Variants in EARS2 observed in about 807,000 individuals in gnomAD.
EARS2 encodes the protein glutamyl-tRNA synthetase 2, mitochondrial.
A neutral mutation model predicts 54.1 loss-of-function variants in EARS2; 50 were observed. The observed-to-expected ratio is 0.92, with a 90% CI of 0.74 to 1.17. EARS2 has a LOEUF of 1.17. EARS2 is among the 50% of genes most tolerant of loss of function. The probability of loss-of-function intolerance (pLI) is 0.00; values close to 1 mark genes in which losing one functional copy is unlikely to be tolerated. For synonymous variants in EARS2, 298 were observed against 281.0 expected (o/e 1.06, Z -0.61); for missense variants, 673 against 675.0 (o/e 1.00, Z 0.03).
At chr16:23,544,466 A>C in intron 3 of EARS2, 48 bp downstream of exon 3, 1 of 1,570,828 alleles carries the variant, frequency 6.4e-7, no homozygotes, top group Non-Finnish European at 8.7e-7. Context: ...CAAGGTAACA[A>C]ACACACCCAA....
In EARS2 at chr16:23,524,407, T is replaced by G; in HGVS notation, c.1536A>C (p.Glu512Asp). ...AEMMLALGPKEVRERIQKVVS... is the reference protein window; with the variant it reads ...AEMMLALGPKDVRERIQKVVS... The stretch of plus-strand genomic sequence containing the variant: ...CCACCTTCTGGATCCGTTCCCGTAC[T>G]TCCTTTGGTCCCAAGGCCAACATCA... The change falls in exon 9 of 9, where the codon GAA becomes GAC. Residue 512 changes from glutamate to aspartate, a missense_variant. This residue lies in a region of EARS2 where 338 missense variants were observed against 361.2 expected (regional missense o/e 0.94). Transcript: ENST00000449606. The G allele has an allele frequency of 1.2e-6, 2 of 1,614,184 alleles. No homozygotes were observed. Among genetic ancestry groups the G allele is most frequent in the Non-Finnish European group, 8.5e-7 (1 of 1,180,028 alleles).
intron 7 of EARS2, among the ~76,000 whole-genome samples, chr16:23,528,835 C>T (rs2142163677): frequency 6.6e-6 from 1 of 152,332 alleles, no homozygotes; most frequent in Middle Eastern, 3.4e-3. Context: ...CTGCTTCCTG[C>T]AGATTGCTAC....
Position 23,532,683 on chromosome 16 carries a change from G to A in EARS2, c.1041C>T (p.Asp347=), listed in dbSNP as rs370410227. 1.9e-6 allele frequency: 3 copies of A among 1,613,880 alleles called. No individual in the cohort carries two copies. Among genetic ancestry groups the A allele is most frequent in the African/African-American group, 1.3e-5 (1 of 74,906 alleles). The change falls in exon 5 of 9, where the codon GAC becomes GAT. Residue 347 remains aspartate (D), a synonymous_variant. Coordinates refer to ENST00000449606, the MANE Select transcript of EARS2 (RefSeq NM_001083614.2). The part of the protein sequence containing the change: ...TQVTCHSALL[D]LEKLPEFNRL... Reference sequence around the variant, plus strand: ...TGTTGAATTCTGGGAGCTTCTCCAGGTCCAGCAGGGCTGAGTGACAGGTGA... The same window carrying A: ...TGTTGAATTCTGGGAGCTTCTCCAGATCCAGCAGGGCTGAGTGACAGGTGA...
chr16:23,529,272 T>C (rs1965281358), intron 7 of EARS2, among the ~76,000 whole-genome samples: 2 of 152,138 alleles, frequency 1.3e-5, no homozygotes, highest in African/African-American at 4.8e-5. Context: ...ACGGCAGAGC[T>C]GGGATGCAAC....
At chr16:23,552,638 T>G (rs919396296) in intron 1 of EARS2, among the ~76,000 whole-genome samples, 2 of 152,202 alleles carry the variant, frequency 1.3e-5, no homozygotes, top group African/African-American at 4.8e-5. Flanking sequence ...TACAGGTGTG[T>G]GCCACCACGT....
chr16:23,554,563 A>C (rs919413565), intron 1 of EARS2, among the ~76,000 whole-genome samples: 2 of 152,184 alleles, frequency 1.3e-5, no homozygotes, highest in Non-Finnish European at 2.9e-5. Context: ...GAGGCAGCAG[A>C]GGAGAGAAAA....
At chr16:23,524,539 C>T in intron 8 of EARS2, 85 bp from the exon 9 acceptor site, 1 of 1,172,078 alleles carries the variant, frequency 8.5e-7, no homozygotes, top group Non-Finnish European at 1.3e-6. Context: ...AGAAATTATT[C>T]CCAGGCCAGC....
At chr16:23,556,513 C>T (rs1249948251) in intron 1 of EARS2, among the ~76,000 whole-genome samples, 1 of 152,200 alleles carries the variant, frequency 6.6e-6, no homozygotes, top group Non-Finnish European at 1.5e-5. Flanking sequence ...CGCCACCATG[C>T]CCAGATAATT....
rs1055209491 is a variant in EARS2 at position 23,522,207 on chromosome 16, T to C, written c.*2164A>G. On this transcript the variant is annotated 3_prime_UTR_variant, in exon 9 of 9. Coordinates refer to ENST00000449606, the MANE Select transcript of EARS2 (RefSeq NM_001083614.2). ...CTGGAGAAAGCTCCCTAGTTTTCCT[T>C]GAGAACAACTTTTCCTCCATTGCAT... 2.0e-5 allele frequency: 4 copies of C among 203,506 alleles called. No homozygotes were observed. Among genetic ancestry groups the C allele is most frequent in the African/African-American group, 9.2e-5 (4 of 43,450 alleles). 12.6% of individuals were successfully genotyped at this position (203,506 alleles called of 1,614,324 possible).
intron 7 of EARS2, among the ~76,000 whole-genome samples, chr16:23,527,155 G>C (rs909965932): frequency 6.6e-6 from 1 of 151,964 alleles, no homozygotes; most frequent in African/African-American, 2.4e-5. Context: ...TTGTAGAGAT[G>C]GGGTCAAGCT....
At chr16:23,546,358 G>C (rs1965602667) in intron 2 of EARS2, 1 of 455,968 alleles carries the variant, frequency 2.2e-6, no homozygotes, top group Admixed American at 2.4e-5. Flanking sequence ...AAACTGAGCT[G>C]AGTGGGCCTG....
rs1283555359 is a variant in EARS2, at chr16:23,535,270, C to T, written c.576G>A (p.Glu192=). 1 of 1,608,780 alleles carries T rather than the reference C, an allele frequency of 6.2e-7. No individual in the cohort carries two copies. The highest frequency in any genetic ancestry group is 8.5e-7 in the Non-Finnish European group (1 of 1,178,962). Residue 192 remains glutamate (E), a synonymous_variant, in exon 4 of 9, where the codon GAG becomes GAA. Coordinates refer to ENST00000449606, the MANE Select transcript of EARS2 (RefSeq NM_001083614.2). ...DPKPAIRFRL[E]QVVPAFQDLV... ...GGTCCTGGAAGGCTGGCACCACCTG[C>T]TCCAGGCGGAAGCGGATCGCAGGCT...
rs1965159774 is a variant in EARS2, at chr16:23,522,765, G to A, written c.*1606C>T. ...GTTTACTATCTCACAGTTCATGTGT[G>A]TCTGACGTTCCGGAGCAGCTTCTCT... is the stretch of plus-strand genomic sequence containing the variant. On this transcript the variant is annotated 3_prime_UTR_variant, in exon 9 of 9. Coordinates refer to ENST00000449606, the MANE Select transcript of EARS2 (RefSeq NM_001083614.2). 6.6e-6 allele frequency: 1 copy of A among 152,190 alleles called. No homozygotes were observed. The highest frequency in any genetic ancestry group is 1.5e-5 in the Non-Finnish European group (1 of 68,040). 9.4% of individuals were successfully genotyped at this position (152,190 alleles called of 1,614,324 possible).
At chr16:23,544,893 G>C (rs1965577964) in intron 2 of EARS2, 190 bp from the exon 3 acceptor site, 1 of 513,062 alleles carries the variant, frequency 1.9e-6, no homozygotes, top group African/African-American at 2.0e-5. Flanking sequence ...CAAGGCTGGA[G>C]TGCAGTGGTG....
intron 3 of EARS2, chr16:23,537,283 G>C (rs1003044379): frequency 6.4e-6 from 1 of 157,376 alleles, no homozygotes; most frequent in African/African-American, 2.4e-5. Flanking sequence ...ATAGAGATGG[G>C]GTTTCACCAT....
In EARS2 at chr16:23,529,893, G is replaced by A. The variant is rs1412813544; in HGVS notation, c.1072C>T (p.His358Tyr). ...TCATTGCTCACCAGCCGCTGGAGGT[G>A]CAGTCTGCGGAAGAAATCAAGGGGC... The part of the protein sequence containing the change: ...LEKLPEFNRL[H>Y]LQRLVSNESQ... The change falls in exon 6 of 9, where the codon CAC becomes TAC. Residue 358 changes from histidine (H) to tyrosine (Y), a missense_variant. Physicochemically the swap from His to Tyr is moderately conservative, Grantham distance 83 (BLOSUM62 2). Transcript: ENST00000449606. The A allele has an allele frequency of 1.9e-6, 3 of 1,614,014 alleles. No homozygotes were observed. The highest frequency in any genetic ancestry group is 2.2e-5 in the East Asian group (1 of 44,868).
intron 3 of EARS2, among the ~76,000 whole-genome samples, chr16:23,542,839 G>T (rs551163952): frequency 1.3e-5 from 2 of 151,986 alleles, no homozygotes; most frequent in East Asian, 3.9e-4. Context: ...AATGGTCCAG[G>T]TGCAGTGGTT....
intron 7 of EARS2, among the ~76,000 whole-genome samples, chr16:23,528,542 A>G (rs1965268222): frequency 6.6e-6 from 1 of 152,226 alleles, no homozygotes. Flanking sequence ...GTCCCAGAGC[A>G]AATCTAAAAC....
At chr16:23,543,181 G>C (rs1010570903) in intron 3 of EARS2, among the ~76,000 whole-genome samples, 34 of 150,314 alleles carry the variant, frequency 2.3e-4, no homozygotes, top group African/African-American at 8.3e-4. Context: ...CACTTTAGGA[G>C]GCCAAGGTGG....
Sources: gnomAD v4.1 joint callset for allele counts (sites outside exome capture counted in the v4.1 genomes callset) on GRCh38, gnomAD v4.1.1 for gene constraint, gnomAD v4.1.1 regional missense constraint, MANE v1.5 for transcripts, NCBI Gene and HGNC (gene_info 2026-07-23, HGNC 2026-07-21) for gene names.